The following ACSS3 variants were observed in gnomAD, a reference collection of about 807,000 sequenced individuals.
ACSS3 encodes acyl-CoA synthetase short-chain family member 3, mitochondrial.
A neutral mutation model predicts 84.2 loss-of-function variants in ACSS3; 64 were observed. That is an observed-to-expected ratio of 0.76 (90% confidence interval 0.62 to 0.94). ACSS3 has a LOEUF of 0.94. Among genes scored for constraint, ACSS3 ranks in the 40% least tolerant of loss-of-function variants. The pLI is 0.00. For missense variants in ACSS3, 815 were observed against 867.6 expected, an observed-to-expected ratio of 0.94 and a Z score of 0.76; for synonymous variants, 317 against 310.1, an observed-to-expected ratio of 1.02 and a Z score of -0.23.
chr12:81,150,452 A>T (rs1886554682), intron 5 of ACSS3, among the ~76,000 whole-genome samples: 1 of 152,340 alleles, frequency 6.6e-6, no homozygotes. Context: ...AAACTAGCAA[A>T]GTGCATGGAC....
At chr12:81,243,055 G>C (rs951933681) in intron 13 of ACSS3, among the ~76,000 whole-genome samples, 3 of 151,996 alleles carry the variant, frequency 2.0e-5, no homozygotes, top group African/African-American at 7.2e-5. Context: ...ATTAGGAAAA[G>C]AGGAAGTCAA....
chr12:81,096,735 T>C (rs993606048), intron 1 of ACSS3, among the ~76,000 whole-genome samples: 4 of 152,062 alleles, frequency 2.6e-5, no homozygotes, highest in Non-Finnish European at 5.9e-5. Context: ...GGTTTTCTGT[T>C]CCTGTGTTAG....
intron 13 of ACSS3, among the ~76,000 whole-genome samples, chr12:81,251,067 C>T (rs904417545): frequency 3.3e-5 from 5 of 152,040 alleles, no homozygotes; most frequent in African/African-American, 7.2e-5. Context: ...TTATTTTCCA[C>T]GATGAAACTA....
At chr12:81,144,593 A>G (rs1886237146) in intron 5 of ACSS3, among the ~76,000 whole-genome samples, 1 of 32,988 alleles carries the variant, frequency 3.0e-5, no homozygotes, top group African/African-American at 4.4e-5. Context: ...ATATAAAAGT[A>G]TCAACTGAGA....
chr12:81,137,576 G>A (rs1885876589), intron 3 of ACSS3, among the ~76,000 whole-genome samples: 2 of 152,032 alleles, frequency 1.3e-5, no homozygotes, highest in Admixed American at 1.3e-4. Context: ...AGAAGAAGAT[G>A]GAAAGGATGT....
rs771832129 is a variant in ACSS3, at chr12:81,216,892, T to G, written c.1355-9T>G. The G allele has an allele frequency of 8.1e-6, 13 of 1,603,226 alleles. No individual in the cohort carries two copies. In the East Asian group the frequency reaches 2.9e-4, roughly 36 times the overall value. On this transcript the variant is annotated splice_polypyrimidine_tract_variant and intron_variant, in intron 9 of 15. Coordinates refer to ENST00000548058, the MANE Select transcript of ACSS3 (RefSeq NM_024560.4). ...AACATGAAGTGATAAATAACATTTC[T>G]TTTTCCAGAGACTGGATCTCCAATT... is the stretch of plus-strand genomic sequence containing the variant.
intron 8 of ACSS3, among the ~76,000 whole-genome samples, chr12:81,175,801 C>T (rs2030425600): frequency 6.6e-6 from 1 of 152,096 alleles, no homozygotes; most frequent in African/African-American, 2.4e-5. Context: ...ATCCTTTGAA[C>T]TGAATGAAAA....
At chr12:81,168,944 G>A (rs1409779117) in intron 7 of ACSS3, among the ~76,000 whole-genome samples, 5 of 152,176 alleles carry the variant, frequency 3.3e-5, no homozygotes, top group Admixed American at 2.6e-4. Flanking sequence ...CCATGTATCA[G>A]TTCTAAATCC....
At chr12:81,175,290 G>A (rs1474232230) in intron 8 of ACSS3, among the ~76,000 whole-genome samples, 1 of 152,084 alleles carries the variant, frequency 6.6e-6, no homozygotes, top group East Asian at 1.9e-4. Context: ...GAAAATAGAA[G>A]AATGGGTTAA....
chr12:81,175,073 C>T, intron 8 of ACSS3, 134 bp downstream of exon 8: 2 of 924,654 alleles, frequency 2.2e-6, no homozygotes, highest in South Asian at 8.3e-5. Context: ...TTAAGAACAA[C>T]TTGTCTAAAT....
chr12:81,258,776 G>A lies in ACSS3; in HGVS notation c.*3854G>A, dbSNP rs1233812048. The stretch of plus-strand genomic sequence containing the variant: ...AGTGGAAATGAGCCTCAGACTCTGC[G>A]GTGGTTGACATTCACTGTCCAGTAC... On this transcript the variant is annotated 3_prime_UTR_variant, in exon 16 of 16. Transcript: ENST00000548058. 1.3e-5 allele frequency: 2 copies of A among 151,978 alleles called. No individual in the cohort carries two copies. Among genetic ancestry groups the A allele is most frequent in the African/African-American group, 2.4e-5 (1 of 41,394 alleles). 9.4% of individuals were successfully genotyped at this position (151,978 alleles called of 1,614,324 possible).
intron 2 of ACSS3, among the ~76,000 whole-genome samples, chr12:81,128,258 A>T (rs2121549703): frequency 6.6e-6 from 1 of 152,132 alleles, no homozygotes; most frequent in East Asian, 1.9e-4. Flanking sequence ...TGTAGACTTA[A>T]CCTCAGTTTA....
At chr12:81,236,780 A>G (rs1054694046) in intron 13 of ACSS3, among the ~76,000 whole-genome samples, 3 of 151,174 alleles carry the variant, frequency 2.0e-5, no homozygotes, top group African/African-American at 4.8e-5. Context: ...GAGAACGTCT[A>G]TGATTCCATT....
chr12:81,132,092 T>A lies in ACSS3; in HGVS notation c.457-2724T>A, dbSNP rs563421467. Reference sequence around the variant, plus strand: ...GGGATATTGGTCTAAAATTCTCTTTTTTTGTTGTGTCTCTGCCAGGCTTTG... The same window carrying A: ...GGGATATTGGTCTAAAATTCTCTTTATTTGTTGTGTCTCTGCCAGGCTTTG... On this transcript the variant is annotated intron_variant, in intron 2 of 15. Transcript: ENST00000548058. Among the ~76,000 whole-genome samples, 4 of 152,302 alleles carry A rather than the reference T, an allele frequency of 2.6e-5. No homozygotes were observed. The East Asian group carries it at 7.7e-4, about 29-fold the overall frequency.
chr12:81,197,315 CTG>C (rs2031884523), intron 8 of ACSS3, among the ~76,000 whole-genome samples: 1 of 152,108 alleles, frequency 6.6e-6, no homozygotes, highest in African/African-American at 2.4e-5. Flanking sequence ...AATAATTAAA[CTG>C]TTATTTTTTT....
At chr12:81,200,491 T>C (rs2032050149) in intron 9 of ACSS3, among the ~76,000 whole-genome samples, 1 of 152,204 alleles carries the variant, frequency 6.6e-6, no homozygotes, top group African/African-American at 2.4e-5. Context: ...ATGTAAAAGA[T>C]TAACTGAATG....
At chr12:81,161,822 G>T (rs61936381) in intron 7 of ACSS3, among the ~76,000 whole-genome samples, 2 of 103,020 alleles carry the variant, frequency 1.9e-5, no homozygotes, top group Non-Finnish European at 4.6e-5. Context: ...CAAGCGTGGG[G>T]TCCAGCCACT....
chr12:81,153,425 G>T (rs1400415206), intron 7 of ACSS3, among the ~76,000 whole-genome samples: 1 of 151,272 alleles, frequency 6.6e-6, no homozygotes, highest in Non-Finnish European at 1.5e-5. Context: ...AAAAAAAAAG[G>T]TGAAGAAATT....
Position 81,250,060 on chromosome 12 carries a change from T to C in ACSS3, c.1720-3247T>C, listed in dbSNP as rs1352110901. Reference sequence around the variant, plus strand: ...ACTATTGCCTTTTAAGTTCCATGACTTTTTTAGGTACTTAAATGCCAGTTA... The same window carrying C: ...ACTATTGCCTTTTAAGTTCCATGACCTTTTTAGGTACTTAAATGCCAGTTA... On this transcript the variant is annotated intron_variant, in intron 13 of 15. Transcript: ENST00000548058. 2.0e-5 allele frequency among the ~76,000 whole-genome samples: 3 copies of C among 152,104 alleles called. No individual in the cohort carries two copies. The East Asian group carries it at 5.8e-4, about 29-fold the overall frequency.
Sources: gnomAD v4.1 joint callset for allele counts (sites outside exome capture counted in the v4.1 genomes callset) on GRCh38, gnomAD v4.1.1 for gene constraint, MANE v1.5 for transcripts, NCBI Gene and HGNC (gene_info 2026-07-23, HGNC 2026-07-21) for gene names.